CS: variants seen among roughly 807,000 people sequenced by gnomAD.
CS encodes citrate synthase, mitochondrial.
CS carries 13 observed loss-of-function variants against 61.4 expected under a neutral mutation model. The ratio of observed to expected loss-of-function variants is 0.21; its 90% CI spans 0.14 to 0.34. The LOEUF (loss-of-function observed/expected upper bound fraction) is 0.34, where lower values mean the gene tolerates loss of function less well. Ranked by LOEUF, CS falls within the 10% of genes least tolerant of loss-of-function variation. The probability of loss-of-function intolerance (pLI) is 1.00; values close to 1 mark genes in which losing one functional copy is unlikely to be tolerated. For missense variants in CS, 278 were observed against 573.4 expected (o/e 0.48, Z 5.26); for synonymous variants, 159 against 215.2 (o/e 0.74, Z 2.29).
Position 56,273,007 on chromosome 12 carries a change from G to A in CS, c.*77C>T. Reference sequence around the variant, plus strand: ...TATAATTTAATCTTAAGTCTTTAAAGGCCCCCTGAAACAAAAGTATACTTT... The same window carrying A: ...TATAATTTAATCTTAAGTCTTTAAAAGCCCCCTGAAACAAAAGTATACTTT... On this transcript the variant is annotated 3_prime_UTR_variant, in exon 11 of 11. Coordinates refer to ENST00000351328, the MANE Select transcript of CS (RefSeq NM_004077.3). 1 of 896,928 alleles carries A rather than the reference G, an allele frequency of 1.1e-6. No homozygotes were observed. The highest frequency in any genetic ancestry group is 1.7e-6 in the Non-Finnish European group (1 of 576,780). 55.6% of individuals were successfully genotyped at this position (896,928 alleles called of 1,614,324 possible). A position where few individuals can be genotyped will look rare whatever the true frequency, so the allele number is the denominator to read the frequency against.
At chr12:56,299,465 A>G (rs762328507) in intron 1 of CS, among the ~76,000 whole-genome samples, 32 of 152,130 alleles carry the variant, frequency 2.1e-4, no homozygotes, top group Non-Finnish European at 4.4e-4. Flanking sequence ...ATCTTCATTT[A>G]TTGGCTTGCA....
rs780031789 is a variant in CS, at chr12:56,285,917, A to T, written c.200T>A (p.Met67Lys). ...CAGCCAAAGCCACACAACCCTTACC[A>T]TGTCCACAGTGATTTGGCCCACCAC... ...KTVVGQITVDMMYGGMRGMKG... is the reference protein window; with the variant it reads ...KTVVGQITVDKMYGGMRGMKG... The change falls in exon 3 of 11, where the codon ATG (methionine) becomes AAG (lysine). Residue 67 changes from methionine to lysine, a missense_variant and splice_region_variant. Around this residue, in one of 2 missense-constraint regions of CS, gnomAD observed 223 missense variants for 503.5 expected, o/e 0.44. Coordinates refer to ENST00000351328, the MANE Select transcript of CS (RefSeq NM_004077.3). 6.2e-7 allele frequency: 1 copy of T among 1,611,256 alleles called. No individual in the cohort carries two copies.
intron 1 of CS, among the ~76,000 whole-genome samples, chr12:56,287,735 A>T (rs1264048258): frequency 6.6e-6 from 1 of 151,900 alleles, no homozygotes; most frequent in Non-Finnish European, 1.5e-5. Flanking sequence ...GCTCACCGCA[A>T]CCTCAGCCTT....
intron 1 of CS, 114 bp from the exon 2 acceptor site, chr12:56,286,759 G>C: frequency 1.1e-6 from 1 of 909,558 alleles, no homozygotes; most frequent in Non-Finnish European, 1.7e-6. Flanking sequence ...TCTTAGGGCA[G>C]TTTGACATAA....
At chr12:56,288,346 A>ATTTTTT (rs1164867172) in intron 1 of CS, among the ~76,000 whole-genome samples, 4 of 123,134 alleles carry the variant, frequency 3.2e-5, no homozygotes, top group Admixed American at 8.5e-5. Flanking sequence ...GCTTTTTAGA[A>ATTTTTT]TTTTTTTTTT....
At chr12:56,282,763 A>C in intron 5 of CS, 97 bp downstream of exon 5, 2 of 1,576,900 alleles carry the variant, frequency 1.3e-6, no homozygotes, top group South Asian at 2.3e-5. Context: ...TTCACTACGC[A>C]TCTCTATAAA....
intron 1 of CS, among the ~76,000 whole-genome samples, chr12:56,287,365 C>T (rs1872970140): frequency 2.0e-5 from 3 of 151,058 alleles, no homozygotes; most frequent in Admixed American, 6.6e-5. Flanking sequence ...AGCTGTAATC[C>T]CAGCTACTCA....
chr12:56,289,602 C>A (rs950662951), intron 1 of CS, among the ~76,000 whole-genome samples: 1 of 152,052 alleles, frequency 6.6e-6, no homozygotes, highest in Non-Finnish European at 1.5e-5. Context: ...CGCCACCACG[C>A]CTGGCTAATT....
At chr12:56,290,955 T>C (rs1873102497) in intron 1 of CS, among the ~76,000 whole-genome samples, 1 of 152,098 alleles carries the variant, frequency 6.6e-6, no homozygotes, top group South Asian at 2.1e-4. Context: ...ACTTACTGAA[T>C]CCAAACAGTT....
chr12:56,300,273 C>A lies in CS; in HGVS notation c.-72G>T. 1 of 1,475,014 alleles carries A rather than the reference C, an allele frequency of 6.8e-7. No homozygotes were observed. The highest frequency in any genetic ancestry group is 2.7e-5 in the East Asian group (1 of 37,130). 91.4% of individuals were successfully genotyped at this position (1,475,014 alleles called of 1,614,324 possible). A position where few individuals can be genotyped will look rare whatever the true frequency, so the allele number is the denominator to read the frequency against. On this transcript the variant is annotated 5_prime_UTR_variant, in exon 1 of 11. Coordinates refer to ENST00000351328, the MANE Select transcript of CS (RefSeq NM_004077.3). Reference sequence around the variant, plus strand: ...GCTGCGGCAGGAACAGGAGCCGCCGCCGCTGCACCAGAGGCCGCGCCGACG... The same window carrying A: ...GCTGCGGCAGGAACAGGAGCCGCCGACGCTGCACCAGAGGCCGCGCCGACG...
chr12:56,288,355 T>C (rs1357194721), intron 1 of CS, among the ~76,000 whole-genome samples: 1 of 149,056 alleles, frequency 6.7e-6, no homozygotes, highest in Non-Finnish European at 1.5e-5. Flanking sequence ...AATTTTTTTT[T>C]TTTTTTTTTT....
At chr12:56,277,214 A>C (rs1872646017) in intron 6 of CS, among the ~76,000 whole-genome samples, 1 of 149,200 alleles carries the variant, frequency 6.7e-6, no homozygotes, top group African/African-American at 2.5e-5. Context: ...AAAAAAAAAA[A>C]AGGGGTCGGG....
At chr12:56,292,730 C>CAAAAAAAAAAAAA (rs531365770) in intron 1 of CS, among the ~76,000 whole-genome samples, 7 of 56,840 alleles carry the variant, frequency 1.2e-4, no homozygotes, top group African/African-American at 2.1e-4. Flanking sequence ...TAAAAAAATA[C>CAAAAAAAAAAAAA]AAAAAAAAAA....
intron 1 of CS, chr12:56,291,354 T>A: frequency 2.3e-5 from 7 of 309,428 alleles, no homozygotes; most frequent in Non-Finnish European, 3.3e-5. Context: ...TCTTTCTTTC[T>A]TTTTTTTTTT....
At chr12:56,284,426 C>T (rs1235107584) in intron 3 of CS, among the ~76,000 whole-genome samples, 1 of 149,768 alleles carries the variant, frequency 6.7e-6, no homozygotes, top group East Asian at 2.0e-4. Flanking sequence ...GAGGGAAGAT[C>T]ACTAAGCCTC....
chr12:56,289,799 C>T (rs1473832826), intron 1 of CS, among the ~76,000 whole-genome samples: 4 of 151,956 alleles, frequency 2.6e-5, no homozygotes, highest in South Asian at 2.1e-4. Context: ...TATGTTGCCC[C>T]GGCTGGCTTT....
Position 56,272,809 on chromosome 12 carries a change from C to G in CS, c.*275G>C, listed in dbSNP as rs1448437087. 1 of 270,960 alleles carries G rather than the reference C, an allele frequency of 3.7e-6. No individual in the cohort carries two copies. Among genetic ancestry groups the G allele is most frequent in the African/African-American group, 2.3e-5 (1 of 44,142 alleles). 16.8% of individuals were successfully genotyped at this position (270,960 alleles called of 1,614,324 possible). On this transcript the variant is annotated 3_prime_UTR_variant, in exon 11 of 11. Transcript: ENST00000351328. ...CTCACTCTAGAGATAGTGAGGGGGC[C>G]AAACCTACTCATACCACATGCATTA...
Position 56,273,270 on chromosome 12 carries a change from G to T in CS, c.1231-16C>A. 6.2e-7 allele frequency: 1 copy of T among 1,611,116 alleles called. No homozygotes were observed. Among genetic ancestry groups the T allele is most frequent in the Non-Finnish European group, 8.5e-7 (1 of 1,178,392 alleles). ...TGCCATAATACTGTAAGGTAGAAGA[G>T]AAAAATATTTCATTTAAGGCAGAGG... On this transcript the variant is annotated splice_polypyrimidine_tract_variant and intron_variant, in intron 10 of 10. Coordinates refer to ENST00000351328, the MANE Select transcript of CS (RefSeq NM_004077.3).
In CS at chr12:56,272,553, T is replaced by A. The variant is rs1872542244; in HGVS notation, c.*531A>T. 1 of 152,730 alleles carries A rather than the reference T, an allele frequency of 6.5e-6. No individual in the cohort carries two copies. The highest frequency in any genetic ancestry group is 2.4e-5 in the African/African-American group (1 of 41,418). 9.5% of individuals were successfully genotyped at this position (152,730 alleles called of 1,614,324 possible). On this transcript the variant is annotated 3_prime_UTR_variant, in exon 11 of 11. Coordinates refer to ENST00000351328, the MANE Select transcript of CS (RefSeq NM_004077.3). ...ATGGTCACTTGGTAGTATAAAAAAA[T>A]TGCCAAAGCATGTCCAGCTAACCAA...
Sources: allele counts gnomAD v4.1 joint callset (sites outside exome capture counted in the v4.1 genomes callset), GRCh38; gene constraint gnomAD v4.1.1; regional missense constraint gnomAD v4.1.1; transcripts MANE v1.5; gene names NCBI Gene and HGNC (gene_info 2026-07-23, HGNC 2026-07-21).